The following ARMC6 variants were observed in gnomAD, a reference collection of about 807,000 sequenced individuals.
The protein encoded by ARMC6 is armadillo repeat-containing protein 6.
Under a neutral mutation model 49.2 loss-of-function variants are expected in ARMC6, and 43 were observed. The observed-to-expected ratio is 0.87, with a 90% CI of 0.69 to 1.13. ARMC6 has a LOEUF of 1.13. ARMC6 is among the 50% of genes most tolerant of loss of function. The probability of loss-of-function intolerance (pLI) is 0.00; values close to 1 mark genes in which losing one functional copy is unlikely to be tolerated. For synonymous variants in ARMC6, 262 were observed against 289.6 expected (o/e 0.90, Z 0.97); for missense variants, 627 against 682.0 (o/e 0.92, Z 0.90).
At position 19,055,959 on chromosome 19, in the gene ARMC6, G is replaced by C. The variant is rs772792845; in HGVS notation, c.1293+31G>C. 6.3e-7 allele frequency: 1 copy of C among 1,593,432 alleles called. No individual in the cohort carries two copies. Among genetic ancestry groups the C allele is most frequent in the South Asian group, 1.1e-5 (1 of 89,920 alleles). ...CAGGGCAGGGGATGGGGGCAGGCAG[G>C]CTGGTGTGGGATGTGCAGGTAGGTG... On this transcript the variant is annotated intron_variant, in intron 8 of 8. Coordinates refer to ENST00000535612, the MANE Select transcript of ARMC6 (RefSeq NM_001199196.2). The surrounding 1 kb of genome is among the most constrained non-coding windows in gnomAD (Gnocchi z 5.7).
At chr19:19,054,050 A>C in intron 5 of ARMC6, 102 bp from the exon 6 acceptor site, 8 of 1,254,474 alleles carry the variant, frequency 6.4e-6, no homozygotes, top group Non-Finnish European at 7.4e-6. Context: ...TCCAATAGGC[A>C]GAAGGGCTGG....
At chr19:19,053,348 G>T (rs777910384) in intron 5 of ARMC6, among the ~76,000 whole-genome samples, 6 of 152,120 alleles carry the variant, frequency 3.9e-5, no homozygotes, top group Non-Finnish European at 8.8e-5. Flanking sequence ...ATTGCTGGGC[G>T]TGGTGGTGGG....
intron 4 of ARMC6, among the ~76,000 whole-genome samples, chr19:19,046,438 C>T (rs1460191419): frequency 6.6e-6 from 1 of 152,048 alleles, no homozygotes; most frequent in Non-Finnish European, 1.5e-5. Context: ...ACCTTGTGAT[C>T]CGCCTGCCTC....
intron 6 of ARMC6, 58 bp downstream of exon 6, chr19:19,054,379 G>A (rs922175872): frequency 8.3e-6 from 12 of 1,441,854 alleles, no homozygotes; most frequent in African/African-American, 5.8e-5. Flanking sequence ...TCAACCGGAC[G>A]AGCTATAGTC....
intron 4 of ARMC6, among the ~76,000 whole-genome samples, chr19:19,045,094 T>G: frequency 6.6e-6 from 1 of 152,150 alleles, no homozygotes; most frequent in East Asian, 1.9e-4. Flanking sequence ...CACTGCAACT[T>G]CCACCTCCCA....
At position 19,057,609 on chromosome 19, in the gene ARMC6, G is replaced by A. The variant is rs1261035566; in HGVS notation, c.1487G>A (p.Arg496Lys). 1 of 1,612,808 alleles carries A rather than the reference G, an allele frequency of 6.2e-7. No homozygotes were observed. The highest frequency in any genetic ancestry group is 8.5e-7 in the Non-Finnish European group (1 of 1,180,012). ...CTCCGAGAGCTGTGGACAGGCCAGAGGGGCAACCTGGCGCCATGACCCCAG... is the reference window on the plus strand; with the variant it reads ...CTCCGAGAGCTGTGGACAGGCCAGAAGGGCAACCTGGCGCCATGACCCCAG... ...VELRELWTGQ[R>K]GNLAP The change falls in exon 9 of 9, where the codon AGG (arginine) becomes AAG (lysine). Residue 496 changes from arginine to lysine, a missense_variant. Coordinates refer to ENST00000535612, the MANE Select transcript of ARMC6 (RefSeq NM_001199196.2).
chr19:19,053,407 A>G (rs2059515276), intron 5 of ARMC6, among the ~76,000 whole-genome samples: 1 of 152,094 alleles, frequency 6.6e-6, no homozygotes, highest in South Asian at 2.1e-4. Flanking sequence ...GGATCTCTTG[A>G]GCCTAGGAAG....
rs778402038 is a variant in ARMC6, at chr19:19,057,805, A to G, written c.*177A>G. On this transcript the variant is annotated 3_prime_UTR_variant, in exon 9 of 9. Coordinates refer to ENST00000535612, the MANE Select transcript of ARMC6 (RefSeq NM_001199196.2). ...GGGAGCCTTGTAGGGAGGCCTCTAC[A>G]CAGAAGAAAGCAGCCCCCATGTCCC... 2.5e-6 allele frequency: 2 copies of G among 796,774 alleles called. No homozygotes were observed. Among genetic ancestry groups the G allele is most frequent in the Non-Finnish European group, 4.4e-6 (2 of 450,582 alleles). 49.4% of individuals were successfully genotyped at this position (796,774 alleles called of 1,614,324 possible). A position where few individuals can be genotyped will look rare whatever the true frequency, so the allele number is the denominator to read the frequency against.
Position 19,052,057 on chromosome 19 carries a change from G to A in ARMC6, c.715G>A (p.Val239Ile), listed in dbSNP as rs778120038. Residue 239 changes from valine (V) to isoleucine (I), a missense_variant, in exon 5 of 9, where the codon GTC becomes ATC. Val to Ile is a conservative substitution (Grantham distance 29, BLOSUM62 3). Transcript: ENST00000535612. Reference protein sequence around the residue: ...ITHHGHHTDVVREACWALRVM... With the variant: ...ITHHGHHTDVIREACWALRVM... ...CCATCATGGCCACCACACTGACGTG[G>A]TCAGGGAAGCCTGCTGGGCCCTGCG... 2 of 1,613,972 alleles carry A rather than the reference G, an allele frequency of 1.2e-6. No homozygotes were observed. The highest frequency in any genetic ancestry group is 1.7e-6 in the Non-Finnish European group (2 of 1,180,044).
In ARMC6 at chr19:19,055,307, G is replaced by C; in HGVS notation, c.1066G>C (p.Gly356Arg). The change falls in exon 7 of 9, where the codon GGC becomes CGC. Residue 356 changes from glycine to arginine, a missense_variant. By Grantham distance (125) the Gly-to-Arg change is moderately radical (BLOSUM62 -2). Coordinates refer to ENST00000535612, the MANE Select transcript of ARMC6 (RefSeq NM_001199196.2). The surrounding 1 kb of genome is among the most constrained non-coding windows in gnomAD (Gnocchi z 5.7). ...GCTGAGCACCCTGCGAGCCATCGCAGGCAACGACGACGTGAAAGATGCTAT... is the reference window on the plus strand; with the variant it reads ...GCTGAGCACCCTGCGAGCCATCGCACGCAACGACGACGTGAAAGATGCTAT... ...QVLSTLRAIA[G>R]NDDVKDAIVR... 6.2e-7 allele frequency: 1 copy of C among 1,612,964 alleles called. No homozygotes were observed. Among genetic ancestry groups the C allele is most frequent in the Non-Finnish European group, 8.5e-7 (1 of 1,179,362 alleles).
At chr19:19,037,458 C>G (rs2059379938) in intron 2 of ARMC6, 2 of 365,972 alleles carry the variant, frequency 5.5e-6, no homozygotes, top group Admixed American at 6.4e-5. Context: ...CTCACTGCAG[C>G]CTTGACCTCC....
At chr19:19,042,992 G>GC (rs3214143) in intron 3 of ARMC6, 115 bp downstream of exon 3, 1,114,843 of 1,347,622 alleles carry the variant, frequency 0.83, 462,315 homozygotes, top group East Asian at 0.9. Flanking sequence ...GAAACCAGGT[G>GC]CCATTGGGCC....
In ARMC6 at chr19:19,055,843, A is replaced by G. The variant is rs2059539559; in HGVS notation, c.1208A>G (p.Asp403Gly). The G allele has an allele frequency of 6.2e-7, 1 of 1,612,132 alleles. No individual in the cohort carries two copies. Among genetic ancestry groups the G allele is most frequent in the South Asian group, 1.1e-5 (1 of 90,926 alleles). Residue 403 changes from aspartate to glycine, a missense_variant, in exon 8 of 9, where the codon GAC becomes GGC. Physicochemically the swap from Asp to Gly is moderately conservative, Grantham distance 94. Transcript: ENST00000535612. The surrounding 1 kb of genome is among the most constrained non-coding windows in gnomAD (Gnocchi z 5.7). ...ALCFLALRKP[D>G]NSRIIVEGGG... ...TGCTTCCTGGCCCTGCGTAAGCCCGACAACAGCCGCATCATCGTGGAGGGT... is the reference window on the plus strand; with the variant it reads ...TGCTTCCTGGCCCTGCGTAAGCCCGGCAACAGCCGCATCATCGTGGAGGGT...
At chr19:19,050,034 T>A (rs541330687) in intron 4 of ARMC6, among the ~76,000 whole-genome samples, 21 of 151,210 alleles carry the variant, frequency 1.4e-4, no homozygotes, top group Middle Eastern at 3.4e-3. Flanking sequence ...AAAAAAAAAA[T>A]TTTTTTTAAA....
chr19:19,042,853 G>A lies in ARMC6; in HGVS notation c.172G>A (p.Ala58Thr). Residue 58 changes from alanine to threonine, a missense_variant, in exon 3 of 9, where the codon GCC becomes ACC. Transcript: ENST00000535612. The stretch of plus-strand genomic sequence containing the variant: ...GGGGCCAGAGGAGGCAGTGAAAGAG[G>A]CCGTGGAGCAGTTTGAATCGCAAGG... ...AMGPEEAVKE[A>T]VEQFESQGVD... The A allele has an allele frequency of 1.2e-6, 2 of 1,613,944 alleles. No individual in the cohort carries two copies. Among genetic ancestry groups the A allele is most frequent in the African/African-American group, 1.3e-5 (1 of 75,072 alleles).
At chr19:19,042,354 G>GT (rs199767463) in intron 2 of ARMC6, among the ~76,000 whole-genome samples, 1,878 of 150,566 alleles carry the variant, frequency 0.012, 18 homozygotes, top group East Asian at 0.031. Context: ...CCTACACTTT[G>GT]TTTTTTTTTC....
intron 4 of ARMC6, among the ~76,000 whole-genome samples, chr19:19,047,900 A>G (rs999604170): frequency 1.3e-5 from 2 of 152,198 alleles, no homozygotes; most frequent in African/African-American, 4.8e-5. Flanking sequence ...CGGGGCTTCC[A>G]GGTCATAGAC....
chr19:19,050,310 T>C (rs775965872), intron 4 of ARMC6, among the ~76,000 whole-genome samples: 8 of 152,224 alleles, frequency 5.3e-5, no homozygotes, highest in Non-Finnish European at 1.0e-4. Context: ...TACAGGTATC[T>C]CTTTGAGACT....
At position 19,055,577 on chromosome 19, in the gene ARMC6, C is replaced by G. The variant is rs1400071164; in HGVS notation, c.1155+181C>G. ...GACTTTGGGTGTCCTGGAGTTACCA[C>G]CAGCACCCTGCAAAGATCTGACCAG... is the stretch of plus-strand genomic sequence containing the variant. On this transcript the variant is annotated intron_variant, in intron 7 of 8. Coordinates refer to ENST00000535612, the MANE Select transcript of ARMC6 (RefSeq NM_001199196.2). This position sits in a 1 kb window ranked among gnomAD's most constrained non-coding sequence, Gnocchi z 5.7. Among the ~76,000 whole-genome samples the G allele has an allele frequency of 6.6e-6, 1 of 152,126 alleles. No individual in the cohort carries two copies. Among genetic ancestry groups the G allele is most frequent in the Non-Finnish European group, 1.5e-5 (1 of 68,022 alleles).
Sources: gnomAD v4.1 joint callset for allele counts (sites outside exome capture counted in the v4.1 genomes callset) on GRCh38, gnomAD v4.1.1 for gene constraint, Gnocchi (gnomAD v3.1) non-coding constraint, MANE v1.5 for transcripts, NCBI Gene and HGNC (gene_info 2026-07-23, HGNC 2026-07-21) for gene names.